Variants in CCDC30 observed in about 807,000 individuals in gnomAD.
The protein encoded by CCDC30 is coiled-coil domain-containing protein 30.
In CCDC30, 70 loss-of-function variants were observed where a neutral mutation model predicts 100.2. The ratio of observed to expected loss-of-function variants is 0.70; its 90% CI spans 0.58 to 0.85. The LOEUF is 0.85. Among genes scored for constraint, CCDC30 ranks in the 40% least tolerant of loss-of-function variants. The pLI, the probability that CCDC30 is intolerant of heterozygous loss-of-function variation, is 0.00. For missense variants in CCDC30, 652 were observed against 771.2 expected (o/e 0.85, Z 1.83); for synonymous variants, 233 against 269.5 (o/e 0.86, Z 1.33).
chr1:42,567,948 AAAAG>A (rs1280205969), intron 7 of CCDC30, among the ~76,000 whole-genome samples: 1 of 151,918 alleles, frequency 6.6e-6, no homozygotes, highest in East Asian at 1.9e-4. Context: ...AATTTAAAAA[AAAAG>A]AGAGAGAGAA....
At chr1:42,602,283 TA>T (rs76097350) in intron 10 of CCDC30, among the ~76,000 whole-genome samples, 7,516 of 150,822 alleles carry the variant, frequency 0.05, 454 homozygotes, top group African/African-American at 0.14. Context: ...GGTGTTTGTG[TA>T]AAAAAAAAAT....
chr1:42,578,284 A>G (rs1405871727), intron 8 of CCDC30, among the ~76,000 whole-genome samples: 2 of 152,218 alleles, frequency 1.3e-5, no homozygotes, highest in East Asian at 3.8e-4. Context: ...TTCTTACTAT[A>G]CAATTCTATG....
chr1:42,514,365 T>C (rs1196267595), intron 6 of CCDC30, among the ~76,000 whole-genome samples: 1 of 152,194 alleles, frequency 6.6e-6, no homozygotes, highest in Non-Finnish European at 1.5e-5. Context: ...TCATCAGCAG[T>C]GTATGAGGGT....
intron 6 of CCDC30, among the ~76,000 whole-genome samples, chr1:42,524,544 C>T (rs1291503401): frequency 2.6e-5 from 4 of 152,108 alleles, no homozygotes; most frequent in Admixed American, 2.6e-4. Flanking sequence ...ACAATGGCCA[C>T]CTGACTCTGT....
At position 42,627,779 on chromosome 1, in the gene CCDC30, G is replaced by A. The variant is rs932130838; in HGVS notation, c.1278-9458G>A. Among the ~76,000 whole-genome samples, 55 of 152,182 alleles carry A rather than the reference G, an allele frequency of 3.6e-4. 3 individuals are homozygous for A. Among genetic ancestry groups the A allele is most frequent in the Non-Finnish European group, 7.4e-5 (5 of 68,024 alleles). On this transcript the variant is annotated intron_variant, in intron 11 of 16. Transcript: ENST00000668663. ...TGGGTGCACAGAAGTCAAGAATTCAGGTTTAGGAACCTCCACCTAGATTTC... is the reference window on the plus strand; with the variant it reads ...TGGGTGCACAGAAGTCAAGAATTCAAGTTTAGGAACCTCCACCTAGATTTC...
intron 11 of CCDC30, among the ~76,000 whole-genome samples, chr1:42,614,332 G>A (rs1227574008): frequency 4.6e-5 from 7 of 151,540 alleles, no homozygotes; most frequent in Non-Finnish European, 7.4e-5. Flanking sequence ...CACCCGCCTC[G>A]GCCTCCCAAA....
chr1:42,462,308 G>A (rs536194738), upstream of CCDC30, among the ~76,000 whole-genome samples: 2 of 152,252 alleles, frequency 1.3e-5, no homozygotes, highest in African/African-American at 4.8e-5. Flanking sequence ...CTAAGAACCT[G>A]ATCTTGGATG....
At chr1:42,582,302 T>C (rs1014853606) in intron 9 of CCDC30, among the ~76,000 whole-genome samples, 11 of 152,198 alleles carry the variant, frequency 7.2e-5, no homozygotes, top group Non-Finnish European at 1.0e-4. Flanking sequence ...AAGCACACCA[T>C]TTAGTCCATC....
chr1:42,612,194 A>G (rs1646639479), intron 11 of CCDC30, among the ~76,000 whole-genome samples: 1 of 152,234 alleles, frequency 6.6e-6, no homozygotes, highest in South Asian at 2.1e-4. Context: ...ATAAAACTTA[A>G]TATTTCATGA....
intron 1 of CCDC30, among the ~76,000 whole-genome samples, chr1:42,468,088 A>G (rs901071402): frequency 2.6e-5 from 4 of 152,200 alleles, no homozygotes; most frequent in Non-Finnish European, 5.9e-5. Flanking sequence ...AGTTTCCAGC[A>G]TATGTCCTTG....
intron 1 of CCDC30, among the ~76,000 whole-genome samples, chr1:42,465,320 A>G (rs1215318016): frequency 1.3e-5 from 2 of 152,114 alleles, no homozygotes; most frequent in African/African-American, 4.8e-5. Flanking sequence ...CAAAAAAAAT[A>G]AATTCCTGTC....
chr1:42,531,404 G>A (rs932244783), intron 6 of CCDC30, among the ~76,000 whole-genome samples: 1 of 152,150 alleles, frequency 6.6e-6, no homozygotes, highest in Admixed American at 6.5e-5. Flanking sequence ...AGCATAGATG[G>A]TGTACTGGTT....
chr1:42,588,963 G>T (rs549569560), intron 9 of CCDC30, among the ~76,000 whole-genome samples: 4 of 151,576 alleles, frequency 2.6e-5, no homozygotes, highest in South Asian at 2.1e-4. Context: ...ACATTACCTT[G>T]AACCCAGAAG....
intron 6 of CCDC30, 72 bp from the exon 9 acceptor site, chr1:42,545,338 A>C: frequency 8.4e-7 from 1 of 1,192,380 alleles, no homozygotes; most frequent in Admixed American, 2.7e-5. Flanking sequence ...TAATGAAATC[A>C]GTATACTTTT....
chr1:42,546,133 C>T (rs997370640), intron 6 of CCDC30, among the ~76,000 whole-genome samples: 1 of 151,332 alleles, frequency 6.6e-6, no homozygotes, highest in African/African-American at 2.4e-5. Context: ...TGCCTGTAAT[C>T]CCAGCACTTT....
intron 10 of CCDC30, among the ~76,000 whole-genome samples, chr1:42,599,864 G>C (rs1296127083): frequency 6.6e-6 from 1 of 152,192 alleles, no homozygotes; most frequent in African/African-American, 2.4e-5. Flanking sequence ...ATAAAGAAAA[G>C]AGATTTAATT....
intron 11 of CCDC30, among the ~76,000 whole-genome samples, chr1:42,619,391 G>A (rs115550692): frequency 2.0e-5 from 3 of 152,120 alleles, no homozygotes; most frequent in Non-Finnish European, 4.4e-5. Flanking sequence ...CCCTCTGAAG[G>A]TTCACTGAAA....
At position 42,536,426 on chromosome 1, in the gene CCDC30, G is replaced by A. The variant is rs74963847; in HGVS notation, c.457-29870G>A. ...AAGTTGTTATTATCAGAATTTGTAG[G>A]AAACACTGCTATTATATATAAAATT... On this transcript the variant is annotated intron_variant, in intron 6 of 16. Coordinates refer to ENST00000668663, the Ensembl canonical transcript of CCDC30. The A allele has an allele frequency of 1.1e-4, 127 of 1,153,648 alleles. 1 individual carries two copies. The African/African-American group carries it at 1.8e-3, about 16-fold the overall frequency. 71.5% of individuals were successfully genotyped at this position (1,153,648 alleles called of 1,614,324 possible).
At chr1:42,471,608 C>T (rs1048769983) in intron 1 of CCDC30, among the ~76,000 whole-genome samples, 4 of 152,164 alleles carry the variant, frequency 2.6e-5, no homozygotes, top group Non-Finnish European at 5.9e-5. Flanking sequence ...GGACTAAAAC[C>T]ACAAATAACT....
Sources: allele counts gnomAD v4.1 joint callset (sites outside exome capture counted in the v4.1 genomes callset), GRCh38; gene constraint gnomAD v4.1.1; transcripts MANE v1.5; gene names NCBI Gene and HGNC (gene_info 2026-07-23, HGNC 2026-07-21).